IL1RAPL1: variants seen among roughly 807,000 people sequenced by gnomAD.
The protein encoded by IL1RAPL1 is interleukin 1 receptor accessory protein like 1.
A neutral mutation model predicts 48.4 loss-of-function variants in IL1RAPL1; 3 were observed. That is an observed-to-expected ratio of 0.06 (90% CI 0.03 to 0.16). The LOEUF is 0.16. Ranked by LOEUF, IL1RAPL1 falls within the 10% of genes least tolerant of loss-of-function variation. The pLI is 1.00. For missense variants in IL1RAPL1, 349 were observed against 530.6 expected (o/e 0.66, Z 3.36); for synonymous variants, 185 against 187.7 (o/e 0.99, Z 0.12).
At chrX:29,208,527 C>T (rs1246540545) in intron 2 of IL1RAPL1, among the ~76,000 whole-genome samples, 3 of 108,745 alleles carry the variant, frequency 2.8e-5, no homozygotes, top group South Asian at 4.0e-4. Flanking sequence ...CTGGCTAACA[C>T]GGTGAAACTC....
At chrX:29,633,038 C>G (rs1969029978) in intron 5 of IL1RAPL1, among the ~76,000 whole-genome samples, 1 of 111,377 alleles carries the variant, frequency 9.0e-6, no homozygotes, top group South Asian at 3.7e-4. Context: ...CCAACAGAAA[C>G]ATATACAATA....
chrX:29,321,149 A>G (rs771919402), intron 3 of IL1RAPL1, among the ~76,000 whole-genome samples: 1 of 112,077 alleles, frequency 8.9e-6, no homozygotes, highest in South Asian at 3.7e-4. Flanking sequence ...CAGAGAGTGG[A>G]GGACTAAGTG....
At chrX:29,945,132 T>C (rs1405217418) in intron 9 of IL1RAPL1, among the ~76,000 whole-genome samples, 2 of 111,386 alleles carry the variant, frequency 1.8e-5, no homozygotes, top group African/African-American at 3.3e-5. Flanking sequence ...GTTATCCTCT[T>C]CTCCTCTCTG....
intron 1 of IL1RAPL1, among the ~76,000 whole-genome samples, chrX:28,739,253 A>T (rs1408016357): frequency 9.0e-6 from 1 of 111,311 alleles, no homozygotes; most frequent in Non-Finnish European, 1.9e-5. Flanking sequence ...AAAGCAGGTG[A>T]CACGGAGTCT....
chrX:29,816,139 TTGTC>T (rs1930487996), intron 6 of IL1RAPL1, among the ~76,000 whole-genome samples: 1 of 110,989 alleles, frequency 9.0e-6, no homozygotes, highest in Non-Finnish European at 1.9e-5. Context: ...TGAAAGATGA[TTGTC>T]TGAACGGATA....
At chrX:28,728,939 T>G (rs1201805691) in intron 1 of IL1RAPL1, among the ~76,000 whole-genome samples, 2 of 111,589 alleles carry the variant, frequency 1.8e-5, no homozygotes, top group African/African-American at 6.5e-5. Context: ...TCTTTTTCCT[T>G]AAAGAAAATT....
chrX:29,766,360 T>G (rs138709831), intron 6 of IL1RAPL1, among the ~76,000 whole-genome samples: 2,093 of 72,763 alleles, frequency 0.029, 57 homozygotes, highest in South Asian at 0.057. Flanking sequence ...TATATATATA[T>G]ATAGATAGAT....
intron 2 of IL1RAPL1, among the ~76,000 whole-genome samples, chrX:28,949,766 G>A (rs1200248410): frequency 9.2e-5 from 10 of 108,779 alleles, no homozygotes; most frequent in Non-Finnish European, 1.3e-4. Context: ...CATGTCCTTC[G>A]CCCACTTTTT....
At chrX:29,907,877 CTCT>C (rs1601877385) in intron 6 of IL1RAPL1, among the ~76,000 whole-genome samples, 1 of 111,236 alleles carries the variant, frequency 9.0e-6, no homozygotes, top group Middle Eastern at 4.7e-3. Flanking sequence ...TAAATAGGAT[CTCT>C]TCTATTTTCT....
chrX:28,601,955 A>C (rs1934031238), intron 1 of IL1RAPL1, among the ~76,000 whole-genome samples: 2 of 109,757 alleles, frequency 1.8e-5, no homozygotes, highest in African/African-American at 3.3e-5. Context: ...AAATATAAAA[A>C]TTAGCCAGAC....
rs901901697 is a variant in IL1RAPL1 at position 29,890,061 on chromosome X, G to A, written c.779-27403G>A. On this transcript the variant is annotated intron_variant, in intron 6 of 10. Coordinates refer to ENST00000378993, the MANE Select transcript of IL1RAPL1 (RefSeq NM_014271.4). ...AACTAAAGATAAGAATGTTAAAAGT[G>A]AAGGAAAACCTCAAGGCCCAAATAA... 2.7e-5 allele frequency among the ~76,000 whole-genome samples: 3 copies of A among 111,374 alleles called. No individual in the cohort carries two copies. The Admixed American group carries it at 2.9e-4, about 11-fold the overall frequency.
intron 3 of IL1RAPL1, among the ~76,000 whole-genome samples, chrX:29,373,190 G>A (rs746956779): frequency 1.8e-5 from 2 of 110,922 alleles, no homozygotes; most frequent in Non-Finnish European, 3.8e-5. Flanking sequence ...CTGTAAATGG[G>A]ATTATGTTGT....
At chrX:29,705,416 T>C (rs1927167007) in intron 6 of IL1RAPL1, among the ~76,000 whole-genome samples, 1 of 111,740 alleles carries the variant, frequency 8.9e-6, no homozygotes, top group Non-Finnish European at 1.9e-5. Context: ...GGCTTCACCA[T>C]GTTGGCCAGG....
intron 2 of IL1RAPL1, among the ~76,000 whole-genome samples, chrX:29,009,834 A>T (rs1926082048): frequency 8.9e-6 from 1 of 112,068 alleles, no homozygotes; most frequent in Non-Finnish European, 1.9e-5. Context: ...GAATCTATAC[A>T]TTGCTTTGGG....
At chrX:29,173,525 C>A (rs950096579) in intron 2 of IL1RAPL1, among the ~76,000 whole-genome samples, 1 of 111,640 alleles carries the variant, frequency 9.0e-6, no homozygotes, top group Non-Finnish European at 1.9e-5. Context: ...TTTGACTGTT[C>A]TGTAAGTACT....
intron 1 of IL1RAPL1, among the ~76,000 whole-genome samples, chrX:28,641,255 C>T (rs903609108): frequency 9.1e-6 from 1 of 109,655 alleles, no homozygotes; most frequent in African/African-American, 3.3e-5. Context: ...TGACGTTCCC[C>T]TCCCTGTGTT....
chrX:29,773,512 G>A (rs73456433), intron 6 of IL1RAPL1, among the ~76,000 whole-genome samples: 1,655 of 112,479 alleles, frequency 0.015, 28 homozygotes, highest in African/African-American at 0.05. Flanking sequence ...ACATACGAAA[G>A]AGTTTAATTT....
intron 2 of IL1RAPL1, among the ~76,000 whole-genome samples, chrX:29,166,467 C>G (rs906918103): frequency 2.7e-5 from 3 of 111,882 alleles, no homozygotes; most frequent in African/African-American, 9.7e-5. Flanking sequence ...CTCTGCATCT[C>G]TCCATTTCCA....
At chrX:29,626,665 AACAC>A (rs773299532) in intron 5 of IL1RAPL1, among the ~76,000 whole-genome samples, 3 of 112,199 alleles carry the variant, frequency 2.7e-5, no homozygotes, top group Admixed American at 1.9e-4. Flanking sequence ...GGAAGAATGA[AACAC>A]ACACAGAGAG....
Sources: allele counts gnomAD v4.1 joint callset (sites outside exome capture counted in the v4.1 genomes callset), GRCh38; gene constraint gnomAD v4.1.1; transcripts MANE v1.5; gene names NCBI Gene and HGNC (gene_info 2026-07-23, HGNC 2026-07-21).